TAFA2: variants seen among roughly 807,000 people sequenced by gnomAD.
TAFA2 encodes the protein chemokine-like protein TAFA-2.
A neutral mutation model predicts 18.8 loss-of-function variants in TAFA2; 7 were observed. The ratio of observed to expected loss-of-function variants is 0.37; its 90% CI spans 0.21 to 0.70. The LOEUF is 0.70. Among genes scored for constraint, TAFA2 ranks in the 30% least tolerant of loss-of-function variants. The probability of loss-of-function intolerance (pLI) is 0.53; values close to 1 mark genes in which losing one functional copy is unlikely to be tolerated. For missense variants in TAFA2, 122 were observed against 158.1 expected, an observed-to-expected ratio of 0.77 and a Z score of 1.23; for synonymous variants, 60 against 54.2, an observed-to-expected ratio of 1.11 and a Z score of -0.47.
chr12:62,159,832 C>T (rs1252964034), intron 1 of TAFA2, among the ~76,000 whole-genome samples: 1 of 152,132 alleles, frequency 6.6e-6, no homozygotes, highest in African/African-American at 2.4e-5. Flanking sequence ...TAACTAAACA[C>T]CACCTGTACC....
chr12:62,001,749 C>T (rs1880384157), intron 1 of TAFA2, among the ~76,000 whole-genome samples: 1 of 152,096 alleles, frequency 6.6e-6, no homozygotes, highest in African/African-American at 2.4e-5. Flanking sequence ...ATCTGTGGCC[C>T]AGGGGTTGGG....
At position 61,744,005 on chromosome 12, in the gene TAFA2, C is replaced by T. The variant is rs557946413; in HGVS notation, c.384+9617G>A. Among the ~76,000 whole-genome samples, 11 of 152,140 alleles carry T rather than the reference C, an allele frequency of 7.2e-5. No individual in the cohort carries two copies. In the East Asian group the frequency reaches 2.1e-3, roughly 30 times the overall value. ...AGGTGCCATTTTTCTTTTATTAAGC[C>T]ATTTTAGTAACCAAAACCAGGTAAA... On this transcript the variant is annotated intron_variant, in intron 4 of 4. Coordinates refer to ENST00000416284, the MANE Select transcript of TAFA2 (RefSeq NM_178539.5).
intron 1 of TAFA2, among the ~76,000 whole-genome samples, chr12:62,227,743 T>C (rs1234876120): frequency 6.6e-6 from 1 of 152,226 alleles, no homozygotes. Context: ...TCTCATAGTC[T>C]CAATCCTAGA....
intron 1 of TAFA2, among the ~76,000 whole-genome samples, chr12:61,928,302 AC>A (rs1877396337): frequency 1.3e-5 from 2 of 152,236 alleles, no homozygotes; most frequent in African/African-American, 4.8e-5. Flanking sequence ...AGGAACTTAA[AC>A]AAATTTACAA....
At chr12:62,076,217 A>G (rs1361524749) in intron 1 of TAFA2, among the ~76,000 whole-genome samples, 1 of 152,220 alleles carries the variant, frequency 6.6e-6, no homozygotes, top group African/African-American at 2.4e-5. Context: ...CATGTCTGGT[A>G]TAATCCATAG....
chr12:62,234,719 G>A (rs779208695), intron 1 of TAFA2: 6 of 1,092,608 alleles, frequency 5.5e-6, no homozygotes, highest in Middle Eastern at 2.0e-4. Context: ...CCTCTGAGGA[G>A]CCCCGTCTAC....
chr12:61,798,956 C>A (rs922411631), intron 2 of TAFA2, among the ~76,000 whole-genome samples: 5 of 152,170 alleles, frequency 3.3e-5, no homozygotes, highest in Non-Finnish European at 7.4e-5. Flanking sequence ...GGGCCAAGTG[C>A]CAATAGTTTG....
At chr12:62,011,921 G>A (rs375603926) in intron 1 of TAFA2, among the ~76,000 whole-genome samples, 1 of 152,180 alleles carries the variant, frequency 6.6e-6, no homozygotes, top group South Asian at 2.1e-4. Flanking sequence ...TAAAATATTT[G>A]GTTGACCTCT....
intron 1 of TAFA2, among the ~76,000 whole-genome samples, chr12:62,079,302 A>T (rs1868284602): frequency 1.3e-5 from 2 of 152,074 alleles, no homozygotes; most frequent in Admixed American, 1.3e-4. Flanking sequence ...TTAATTGCAA[A>T]TTAGTTGATA....
chr12:62,183,903 A>C (rs752776287), intron 1 of TAFA2, among the ~76,000 whole-genome samples: 4 of 152,230 alleles, frequency 2.6e-5, no homozygotes, highest in African/African-American at 9.6e-5. Context: ...TATGAAAGCC[A>C]TCAGTAGAGC....
intron 2 of TAFA2, among the ~76,000 whole-genome samples, chr12:61,785,143 T>C (rs530462138): frequency 2.3e-4 from 35 of 151,818 alleles, no homozygotes; most frequent in Admixed American, 6.6e-4. Flanking sequence ...TCTAGTATTC[T>C]CTGTTCTACA....
chr12:62,092,674 A>T (rs1206253053), intron 1 of TAFA2, among the ~76,000 whole-genome samples: 1 of 152,038 alleles, frequency 6.6e-6, no homozygotes, highest in Non-Finnish European at 1.5e-5. Context: ...AATATGGTAT[A>T]TGTCCAATAT....
At chr12:61,904,565 TA>T (rs1481443197) in intron 1 of TAFA2, among the ~76,000 whole-genome samples, 1 of 152,076 alleles carries the variant, frequency 6.6e-6, no homozygotes, top group African/African-American at 2.4e-5. Context: ...TTCTCCTAAA[TA>T]AAATGGGAAT....
intron 1 of TAFA2, among the ~76,000 whole-genome samples, chr12:62,119,170 T>C (rs1332997270): frequency 6.6e-6 from 1 of 152,150 alleles, no homozygotes; most frequent in Non-Finnish European, 1.5e-5. Flanking sequence ...AATTATTTAC[T>C]CTTCAGGCAT....
chr12:61,971,318 A>C (rs1879239436), intron 1 of TAFA2, among the ~76,000 whole-genome samples: 1 of 151,720 alleles, frequency 6.6e-6, no homozygotes, highest in African/African-American at 2.4e-5. Flanking sequence ...TTATGGTAAG[A>C]GAACTTAATA....
Position 61,831,554 on chromosome 12 carries a change from T to C in TAFA2, c.106+35766A>G, listed in dbSNP as rs538143526. Among the ~76,000 whole-genome samples, 37 of 152,224 alleles carry C rather than the reference T, an allele frequency of 2.4e-4. No individual in the cohort carries two copies. The East Asian group carries it at 7.2e-3, about 30-fold the overall frequency. ...CTAGATCACCTCACTCCTATGGAAT[T>C]TCAGCCTTTTGTAATGAAACAACAG... On this transcript the variant is annotated intron_variant, in intron 2 of 4. Coordinates refer to ENST00000416284, the MANE Select transcript of TAFA2 (RefSeq NM_178539.5).
intron 1 of TAFA2, among the ~76,000 whole-genome samples, chr12:61,927,429 T>G (rs1380505961): frequency 1.3e-5 from 2 of 151,742 alleles, no homozygotes; most frequent in East Asian, 3.9e-4. Flanking sequence ...ACAAAGAGAA[T>G]AAAATACCTA....
chr12:61,936,472 G>A (rs1290733896), intron 1 of TAFA2, among the ~76,000 whole-genome samples: 3 of 152,094 alleles, frequency 2.0e-5, no homozygotes, highest in Non-Finnish European at 4.4e-5. Context: ...GGAGGCTGAG[G>A]CAGGAGAATC....
In TAFA2 at chr12:62,031,403, T is replaced by C. The variant is rs1418704288; in HGVS notation, c.-2+159856A>G. 3.3e-5 allele frequency among the ~76,000 whole-genome samples: 5 copies of C among 152,200 alleles called. No homozygotes were observed. In the East Asian group the frequency reaches 7.7e-4, roughly 23 times the overall value. On this transcript the variant is annotated intron_variant, in intron 1 of 4. Coordinates refer to ENST00000416284, the MANE Select transcript of TAFA2 (RefSeq NM_178539.5). ...GTTCTTCAGTTTTTGGGAATCAGAC[T>C]GGCTCTCTTTGCTCCTCAGCCTGCA...
Sources: allele counts gnomAD v4.1 joint callset (sites outside exome capture counted in the v4.1 genomes callset), GRCh38; gene constraint gnomAD v4.1.1; transcripts MANE v1.5; gene names NCBI Gene and HGNC (gene_info 2026-07-23, HGNC 2026-07-21).